Variants in ROBO1 observed in about 807,000 individuals in gnomAD.
ROBO1 encodes roundabout guidance receptor 1.
A neutral mutation model predicts 195.9 loss-of-function variants in ROBO1; 149 were observed. The ratio of observed to expected loss-of-function variants is 0.76; its 90% CI spans 0.67 to 0.87. The LOEUF (loss-of-function observed/expected upper bound fraction) is 0.87, where lower values mean the gene tolerates loss of function less well. Ranked by LOEUF, ROBO1 falls within the 40% of genes least tolerant of loss-of-function variation. The pLI is 0.00. For synonymous variants in ROBO1, 816 were observed against 733.2 expected (o/e 1.11, Z -1.82); for missense variants, 1,933 against 2,068.3 (o/e 0.93, Z 1.27).
intron 1 of ROBO1, among the ~76,000 whole-genome samples, chr3:79,767,292 C>A (rs142053637): frequency 5.2e-4 from 79 of 152,218 alleles, no homozygotes; most frequent in African/African-American, 1.9e-3. Context: ...CAAAGTTGCC[C>A]GGCCCCAGCC....
chr3:78,691,354 G>A (rs1331155439), intron 8 of ROBO1, among the ~76,000 whole-genome samples: 1 of 151,994 alleles, frequency 6.6e-6, no homozygotes, highest in Non-Finnish European at 1.5e-5. Context: ...GATCATTTAT[G>A]TTCAGGGGTA....
At chr3:78,600,017 T>C (rs1575752603) in intron 30 of ROBO1, 96 bp downstream of exon 30, 1 of 1,031,554 alleles carries the variant, frequency 9.7e-7, no homozygotes. Context: ...AAGTTTGCAA[T>C]AAAACAGTAA....
chr3:79,285,290 A>T (rs2109013287), intron 2 of ROBO1, among the ~76,000 whole-genome samples: 1 of 152,308 alleles, frequency 6.6e-6, no homozygotes, highest in South Asian at 2.1e-4. Context: ...GAAGAATGTA[A>T]AATTGTAAAA....
chr3:78,644,872 A>G (rs545164710), intron 21 of ROBO1, among the ~76,000 whole-genome samples: 1 of 152,318 alleles, frequency 6.6e-6, no homozygotes, highest in African/African-American at 2.4e-5. Flanking sequence ...GCACTTTCAC[A>G]TGCTTTGATT....
intron 3 of ROBO1, among the ~76,000 whole-genome samples, chr3:79,037,060 T>C (rs2078393771): frequency 6.6e-6 from 1 of 152,130 alleles, no homozygotes; most frequent in African/African-American, 2.4e-5. Context: ...ACCTTATGGA[T>C]GAAAACAAAT....
intron 3 of ROBO1, among the ~76,000 whole-genome samples, chr3:79,009,107 A>ATT (rs749520016): frequency 2.3e-4 from 26 of 115,378 alleles, no homozygotes; most frequent in East Asian, 1.6e-3. Flanking sequence ...CGCCCAGCTA[A>ATT]TTTTTTTTTT....
At chr3:78,707,771 T>C (rs565593043) in intron 8 of ROBO1, among the ~76,000 whole-genome samples, 3 of 152,146 alleles carry the variant, frequency 2.0e-5, no homozygotes, top group Non-Finnish European at 4.4e-5. Flanking sequence ...GAGAGGAGTA[T>C]AGTGGGGTGT....
chr3:79,158,804 T>C (rs2080903685), intron 2 of ROBO1, among the ~76,000 whole-genome samples: 1 of 151,942 alleles, frequency 6.6e-6, no homozygotes, highest in Non-Finnish European at 1.5e-5. Context: ...TAATATGGGT[T>C]TTTGTATTTA....
chr3:79,692,023 T>C (rs1173360103), intron 1 of ROBO1, among the ~76,000 whole-genome samples: 1 of 151,870 alleles, frequency 6.6e-6, no homozygotes, highest in Non-Finnish European at 1.5e-5. Context: ...GTACAAGGTA[T>C]ATTTTTTAAA....
intron 3 of ROBO1, among the ~76,000 whole-genome samples, chr3:78,943,174 C>A (rs748643525): frequency 4.6e-5 from 7 of 152,108 alleles, no homozygotes; most frequent in African/African-American, 1.2e-4. Flanking sequence ...CAAGATCGTG[C>A]CACTGCACTC....
chr3:79,193,728 T>C (rs4622864), intron 2 of ROBO1, among the ~76,000 whole-genome samples: 2 of 151,312 alleles, frequency 1.3e-5, no homozygotes, highest in Non-Finnish European at 3.0e-5. Context: ...ATAATTAATG[T>C]GGACTTGATA....
intron 1 of ROBO1, among the ~76,000 whole-genome samples, chr3:79,702,708 C>G (rs139840142): frequency 8.7e-4 from 132 of 152,078 alleles, no homozygotes; most frequent in African/African-American, 3.0e-3. Flanking sequence ...GCAACAGAGT[C>G]AGATTCCAAC....
At chr3:78,770,583 T>G (rs2083348244) in intron 4 of ROBO1, among the ~76,000 whole-genome samples, 1 of 152,206 alleles carries the variant, frequency 6.6e-6, no homozygotes, top group South Asian at 2.1e-4. Context: ...GGCTATCTGT[T>G]TACTGGGTTG....
At chr3:79,192,582 G>A (rs947920728) in intron 2 of ROBO1, among the ~76,000 whole-genome samples, 1 of 151,490 alleles carries the variant, frequency 6.6e-6, no homozygotes, top group Non-Finnish European at 1.5e-5. Flanking sequence ...ATGTGTTTTA[G>A]GCGGTGGGTG....
At chr3:79,026,315 G>T (rs545211963) in intron 3 of ROBO1, among the ~76,000 whole-genome samples, 1 of 152,028 alleles carries the variant, frequency 6.6e-6, no homozygotes, top group Admixed American at 6.5e-5. Context: ...AATTTGAACT[G>T]TGAGGTGCAA....
intron 2 of ROBO1, among the ~76,000 whole-genome samples, chr3:79,172,283 A>G (rs1318392083): frequency 6.6e-6 from 1 of 152,220 alleles, no homozygotes; most frequent in Non-Finnish European, 1.5e-5. Flanking sequence ...AATTCCTATC[A>G]TTGCAGGTTA....
chr3:79,119,653 T>A (rs1011957870), intron 3 of ROBO1, among the ~76,000 whole-genome samples: 1 of 152,230 alleles, frequency 6.6e-6, no homozygotes, highest in Non-Finnish European at 1.5e-5. Context: ...TAATTTATCT[T>A]CATTTTAAGA....
chr3:79,718,160 C>A (rs962994039), intron 1 of ROBO1, among the ~76,000 whole-genome samples: 1 of 151,834 alleles, frequency 6.6e-6, no homozygotes, highest in Non-Finnish European at 1.5e-5. Flanking sequence ...TATTACTAGT[C>A]CTAATTTATT....
chr3:79,337,176 G>T (rs2034707951), intron 2 of ROBO1, among the ~76,000 whole-genome samples: 1 of 152,160 alleles, frequency 6.6e-6, no homozygotes, highest in East Asian at 1.9e-4. Flanking sequence ...TTGAGTTAAT[G>T]CTGAAATAAG....
Sources: gnomAD v4.1 joint callset for allele counts (sites outside exome capture counted in the v4.1 genomes callset) on GRCh38, gnomAD v4.1.1 for gene constraint, MANE v1.5 for transcripts, NCBI Gene and HGNC (gene_info 2026-07-23, HGNC 2026-07-21) for gene names.